Variants in VTI1A observed in about 807,000 individuals in gnomAD.
VTI1A encodes vesicle transport through interaction with t-SNAREs homolog 1A.
Under a neutral mutation model 34.9 loss-of-function variants are expected in VTI1A, and 22 were observed. The ratio of observed to expected loss-of-function variants is 0.63; its 90% CI spans 0.45 to 0.90. The LOEUF is 0.90. VTI1A is among the 40% of genes least tolerant of loss of function. The probability of loss-of-function intolerance (pLI) is 0.00; values close to 1 mark genes in which losing one functional copy is unlikely to be tolerated. For synonymous variants in VTI1A, 87 were observed against 97.3 expected (o/e 0.89, Z 0.62); for missense variants, 268 against 275.6 (o/e 0.97, Z 0.20).
intron 7 of VTI1A, among the ~76,000 whole-genome samples, chr10:112,704,740 A>C (rs1343724037): frequency 6.6e-6 from 1 of 152,248 alleles, no homozygotes; most frequent in Non-Finnish European, 1.5e-5. Context: ...AAATTTGATC[A>C]GCATAATGCT....
At chr10:112,779,117 A>G (rs1852039320) in intron 7 of VTI1A, among the ~76,000 whole-genome samples, 1 of 152,226 alleles carries the variant, frequency 6.6e-6, no homozygotes, top group Non-Finnish European at 1.5e-5. Context: ...CAAAGGGTAC[A>G]CATACTTCCA....
chr10:112,773,207 A>G (rs1485391864), intron 7 of VTI1A, among the ~76,000 whole-genome samples: 1 of 152,166 alleles, frequency 6.6e-6, no homozygotes, highest in African/African-American at 2.4e-5. Context: ...CCTCTTTGAG[A>G]CTTAGTTTTC....
chr10:112,832,253 G>C, the VTI1A span: 1 of 152,260 alleles, frequency 6.6e-6, no homozygotes, highest in Admixed American at 6.5e-5. Flanking sequence ...TGGTAGGTCG[G>C]ATTACACTCG....
chr10:112,504,775 A>G (rs1849369583), intron 3 of VTI1A, among the ~76,000 whole-genome samples: 6 of 152,218 alleles, frequency 3.9e-5, no homozygotes, highest in Admixed American at 3.9e-4. Flanking sequence ...GGTTACTTGC[A>G]AATTGAATTA....
chr10:112,661,414 C>T (rs1045667239), intron 5 of VTI1A, among the ~76,000 whole-genome samples: 1 of 152,198 alleles, frequency 6.6e-6, no homozygotes, highest in Non-Finnish European at 1.5e-5. Flanking sequence ...CGCACCTGGC[C>T]TGCTTTTATA....
intron 3 of VTI1A, among the ~76,000 whole-genome samples, chr10:112,524,214 G>T (rs760826561): frequency 6.6e-5 from 10 of 151,954 alleles, no homozygotes; most frequent in Non-Finnish European, 1.5e-4. Flanking sequence ...ATTTTAAGTC[G>T]TGAAAAATTA....
intron 5 of VTI1A, among the ~76,000 whole-genome samples, chr10:112,629,343 G>T (rs148319443): frequency 0.01 from 1,574 of 152,316 alleles, 11 homozygotes; most frequent in Admixed American, 0.017. Flanking sequence ...CACAGAAAAA[G>T]AGATTTTCCT....
chr10:112,738,649 C>G (rs1850584731), intron 7 of VTI1A, among the ~76,000 whole-genome samples: 2 of 152,202 alleles, frequency 1.3e-5, no homozygotes, highest in South Asian at 4.1e-4. Flanking sequence ...TAAATGGTGA[C>G]AGTTTCTTCC....
At chr10:112,761,459 G>A (rs1228363083) in intron 7 of VTI1A, among the ~76,000 whole-genome samples, 1 of 152,136 alleles carries the variant, frequency 6.6e-6, no homozygotes, top group Admixed American at 6.5e-5. Context: ...AAAAAGCCTT[G>A]TTTGCTTGAT....
intron 3 of VTI1A, among the ~76,000 whole-genome samples, chr10:112,503,182 T>G (rs1184379382): frequency 6.6e-6 from 1 of 152,214 alleles, no homozygotes; most frequent in Non-Finnish European, 1.5e-5. Flanking sequence ...CTAGTCATTC[T>G]ACTGGTCTAT....
chr10:112,701,747 T>G (rs1434549540), intron 7 of VTI1A, among the ~76,000 whole-genome samples: 1 of 152,212 alleles, frequency 6.6e-6, no homozygotes, highest in Non-Finnish European at 1.5e-5. Flanking sequence ...AATGTTGGTA[T>G]TTGATCTCTG....
chr10:112,823,210 T>G (rs1347347905), downstream of VTI1A, among the ~76,000 whole-genome samples: 3 of 152,152 alleles, frequency 2.0e-5, no homozygotes, highest in Admixed American at 6.5e-5. Flanking sequence ...TGCCTGCAGG[T>G]GGGCAGGTCC....
chr10:112,712,545 C>T (rs1377301562), intron 7 of VTI1A, among the ~76,000 whole-genome samples: 5 of 151,176 alleles, frequency 3.3e-5, no homozygotes, highest in Non-Finnish European at 7.4e-5. Flanking sequence ...AACGTTTACT[C>T]CAGAGGGGGA....
At chr10:112,739,031 A>G (rs1211250516) in intron 7 of VTI1A, among the ~76,000 whole-genome samples, 2 of 152,138 alleles carry the variant, frequency 1.3e-5, no homozygotes, top group Non-Finnish European at 2.9e-5. Context: ...TGCCAATCAG[A>G]CAAGGCAGGT....
At position 112,814,683 on chromosome 10, in the gene VTI1A, C is replaced by T. The variant is rs541732045; in HGVS notation, c.561-607C>T. Among the ~76,000 whole-genome samples, 10 of 152,250 alleles carry T rather than the reference C, an allele frequency of 6.6e-5. No individual in the cohort carries two copies. In the East Asian group the frequency reaches 1.7e-3, roughly 27 times the overall value. ...TACATTGTATATTTCTCATTTCCAT[C>T]TTTTTTGCTATGGAGCAAATGTAAC... On this transcript the variant is annotated intron_variant, in intron 7 of 7. Transcript: ENST00000393077.
At chr10:112,684,617 T>A (rs11196055) in intron 7 of VTI1A, among the ~76,000 whole-genome samples, 3 of 151,840 alleles carry the variant, frequency 2.0e-5, no homozygotes, top group Admixed American at 1.3e-4. Flanking sequence ...TTTTTTGTAT[T>A]TTTAGTAGAG....
chr10:112,487,210 A>G (rs911937123), intron 3 of VTI1A, among the ~76,000 whole-genome samples: 2 of 152,078 alleles, frequency 1.3e-5, no homozygotes, highest in South Asian at 2.1e-4. Context: ...TGCAGCCTCC[A>G]TCTCCCCGGT....
chr10:112,724,324 C>T (rs1412864542), intron 7 of VTI1A, among the ~76,000 whole-genome samples: 2 of 152,118 alleles, frequency 1.3e-5, no homozygotes, highest in South Asian at 2.1e-4. Context: ...ATCTACAGTT[C>T]GGAGGGTTGC....
At chr10:112,808,624 C>CAA (rs760656671) in intron 7 of VTI1A, among the ~76,000 whole-genome samples, 15 of 59,528 alleles carry the variant, frequency 2.5e-4, no homozygotes, top group East Asian at 9.3e-4. Flanking sequence ...GACTCCATCT[C>CAA]AAAAAAAAAA....
Sources: gnomAD v4.1 joint callset for allele counts (sites outside exome capture counted in the v4.1 genomes callset) on GRCh38, gnomAD v4.1.1 for gene constraint, MANE v1.5 for transcripts, NCBI Gene and HGNC (gene_info 2026-07-23, HGNC 2026-07-21) for gene names.